Variants in CACNA2D2 observed in about 807,000 individuals in gnomAD.
CACNA2D2 encodes calcium voltage-gated channel auxiliary subunit alpha2delta 2.
Under a neutral mutation model 166.4 loss-of-function variants are expected in CACNA2D2, and 48 were observed. The ratio of observed to expected loss-of-function variants is 0.29; its 90% CI spans 0.23 to 0.37. The LOEUF (loss-of-function observed/expected upper bound fraction) is 0.37. Among genes scored for constraint, CACNA2D2 ranks in the 10% least tolerant of loss-of-function variants. The pLI, the probability that CACNA2D2 is intolerant of heterozygous loss-of-function variation, is 1.00. For synonymous variants in CACNA2D2, 561 were observed against 573.7 expected, an observed-to-expected ratio of 0.98 and a Z score of 0.32; for missense variants, 1,122 against 1,433.0, an observed-to-expected ratio of 0.78 and a Z score of 3.50.
In CACNA2D2 at chr3:50,380,991, C is replaced by T. The variant is rs1219027891; in HGVS notation, c.784+4G>A. ...GTAGACAGGGGACAGGGGCTGGTAC[C>T]TACCCGGGTAGTAGCGAGTGACTCC... On this transcript the variant is annotated splice_donor_region_variant and intron_variant, in intron 7 of 37. Transcript: ENST00000424201. The surrounding 1 kb of genome is among the most constrained non-coding windows in gnomAD (Gnocchi z 4.9). The T allele has an allele frequency of 6.2e-7, 1 of 1,613,684 alleles. No individual in the cohort carries two copies. The highest frequency in any genetic ancestry group is 8.5e-7 in the Non-Finnish European group (1 of 1,179,716).
At chr3:50,394,189 A>C (rs749232549) in intron 3 of CACNA2D2, 21 bp from the exon 4 acceptor site, 4 of 1,612,212 alleles carry the variant, frequency 2.5e-6, no homozygotes, top group Non-Finnish European at 3.4e-6. Flanking sequence ...GAGCACAGGG[A>C]GGTCAGAAGC....
chr3:50,435,470 T>G (rs1708273529), intron 2 of CACNA2D2, among the ~76,000 whole-genome samples: 1 of 151,380 alleles, frequency 6.6e-6, no homozygotes, highest in African/African-American at 2.4e-5. Flanking sequence ...GACTGAGCCG[T>G]GCCACCAGGC....
intron 2 of CACNA2D2, among the ~76,000 whole-genome samples, chr3:50,448,813 C>T (rs1708978023): frequency 6.6e-6 from 1 of 152,134 alleles, no homozygotes; most frequent in Admixed American, 6.5e-5. Context: ...AGCCAGGCCA[C>T]CCACACTGTG....
intron 23 of CACNA2D2, among the ~76,000 whole-genome samples, 153 bp from the exon 24 acceptor site, chr3:50,368,388 C>G (rs587747808): frequency 2.4e-4 from 37 of 152,266 alleles, no homozygotes; most frequent in African/African-American, 8.9e-4. Context: ...CTGCTACATG[C>G]CTGGCAGGCT....
At position 50,450,948 on chromosome 3, in the gene CACNA2D2, G is replaced by T. The variant is rs375476949; in HGVS notation, c.289-16519C>A. 1.2e-3 allele frequency among the ~76,000 whole-genome samples: 181 copies of T among 152,248 alleles called. 2 individuals carry two copies. In the Middle Eastern group the frequency reaches 0.024, roughly 20 times the overall value. On this transcript the variant is annotated intron_variant, in intron 2 of 37. Transcript: ENST00000424201. The stretch of plus-strand genomic sequence containing the variant: ...CTGAGCTGTCTCCCCGCCTACATGG[G>T]GCCCTTGGAAATGAGGACTCATTTG...
chr3:50,475,263 C>A (rs1710258967), intron 2 of CACNA2D2, among the ~76,000 whole-genome samples: 1 of 152,102 alleles, frequency 6.6e-6, no homozygotes, highest in South Asian at 2.1e-4. Flanking sequence ...ATCTCCAAAC[C>A]CTGGACCTGG....
At position 50,476,993 on chromosome 3, in the gene CACNA2D2, G is replaced by A. The variant is rs540258050; in HGVS notation, c.207-794C>T. Among the ~76,000 whole-genome samples, 51 of 148,908 alleles carry A rather than the reference G, an allele frequency of 3.4e-4. 3 individuals carry two copies. In the South Asian group the frequency reaches 0.01, roughly 29 times the overall value. Reference sequence around the variant, plus strand: ...CGCCCAGGCTGGAGTGCAGTGGTGCGATCTCTGCTCACTGCAAGCTCCGCC... The same window carrying A: ...CGCCCAGGCTGGAGTGCAGTGGTGCAATCTCTGCTCACTGCAAGCTCCGCC... On this transcript the variant is annotated intron_variant, in intron 1 of 37. Coordinates refer to ENST00000424201, the MANE Select transcript of CACNA2D2 (RefSeq NM_006030.4).
At chr3:50,431,737 C>T (rs1199104725) in intron 3 of CACNA2D2, among the ~76,000 whole-genome samples, 2 of 152,112 alleles carry the variant, frequency 1.3e-5, no homozygotes, top group African/African-American at 4.8e-5. Flanking sequence ...GTAATCCCAG[C>T]ACTTTGGGAG....
chr3:50,418,062 T>C (rs1707351183), intron 3 of CACNA2D2, among the ~76,000 whole-genome samples: 1 of 152,046 alleles, frequency 6.6e-6, no homozygotes, highest in South Asian at 2.1e-4. Context: ...GTGGTGGCAG[T>C]GCTGTGAGAG....
At chr3:50,484,668 C>A (rs1575764219) in intron 1 of CACNA2D2, among the ~76,000 whole-genome samples, 3 of 152,232 alleles carry the variant, frequency 2.0e-5, no homozygotes. Flanking sequence ...TGCACCCCCC[C>A]CAGCAGCAAC....
intron 4 of CACNA2D2, 81 bp downstream of exon 4, chr3:50,394,028 G>T: frequency 7.8e-7 from 1 of 1,281,660 alleles, no homozygotes; most frequent in Admixed American, 1.7e-5. Flanking sequence ...CATGTGTCTG[G>T]GCAGCTCCCA....
chr3:50,375,116 C>T lies in CACNA2D2; in HGVS notation c.1908-303G>A, dbSNP rs1704903138. 6.6e-6 allele frequency among the ~76,000 whole-genome samples: 1 copy of T among 152,242 alleles called. No individual in the cohort carries two copies. The highest frequency in any genetic ancestry group is 2.1e-4 in the South Asian group (1 of 4,838). On this transcript the variant is annotated intron_variant, in intron 21 of 37. Transcript: ENST00000424201. This position sits in a 1 kb window ranked among gnomAD's most constrained non-coding sequence, Gnocchi z 4.0. ...CCCTGCCCAGCCAACCTCCCTCTGACCCACAAGGGGCAGACGCTGCCGTGA... is the reference window on the plus strand; with the variant it reads ...CCCTGCCCAGCCAACCTCCCTCTGATCCACAAGGGGCAGACGCTGCCGTGA...
chr3:50,402,008 C>T (rs967979786), intron 3 of CACNA2D2, among the ~76,000 whole-genome samples: 8 of 152,198 alleles, frequency 5.3e-5, no homozygotes, highest in Admixed American at 1.3e-4. Context: ...CCACTGCATC[C>T]GGCCAAAGTG....
chr3:50,372,833 T>C (rs966915625), intron 22 of CACNA2D2, among the ~76,000 whole-genome samples: 3 of 151,666 alleles, frequency 2.0e-5, no homozygotes, highest in South Asian at 4.2e-4. Flanking sequence ...TTGTGGGCCC[T>C]GAGAACACGC....
intron 1 of CACNA2D2, among the ~76,000 whole-genome samples, chr3:50,478,789 T>C (rs1045650346): frequency 2.6e-5 from 4 of 152,220 alleles, no homozygotes; most frequent in African/African-American, 4.8e-5. Context: ...CTGCATTTGG[T>C]ACCATCACCT....
intron 3 of CACNA2D2, among the ~76,000 whole-genome samples, chr3:50,410,261 A>G (rs1301478908): frequency 6.6e-6 from 1 of 152,234 alleles, no homozygotes; most frequent in African/African-American, 2.4e-5. Context: ...TCCCCTCAGA[A>G]GGCTGGGCAG....
chr3:50,378,490 G>C (rs1300165602), intron 13 of CACNA2D2, among the ~76,000 whole-genome samples, 157 bp from the exon 14 acceptor site: 1 of 152,224 alleles, frequency 6.6e-6, no homozygotes, highest in Non-Finnish European at 1.5e-5. Flanking sequence ...CCTCTGCCCT[G>C]CCAAGGGCGG....
In CACNA2D2 at chr3:50,375,719, C is replaced by T. The variant is rs773164679; in HGVS notation, c.1846-14G>A. On this transcript the variant is annotated splice_polypyrimidine_tract_variant and intron_variant, in intron 20 of 37. Transcript: ENST00000424201. This position sits in a 1 kb window ranked among gnomAD's most constrained non-coding sequence, Gnocchi z 4.0. Reference sequence around the variant, plus strand: ...ATCTATGTACCTCTGGGAGAGGAGGCTGGGTCAGGTACTTGGGCTAGCAGG... The same window carrying T: ...ATCTATGTACCTCTGGGAGAGGAGGTTGGGTCAGGTACTTGGGCTAGCAGG... The T allele has an allele frequency of 2.5e-6, 4 of 1,613,202 alleles. No homozygotes were observed. In the South Asian group the frequency reaches 4.4e-5, roughly 18 times the overall value.
intron 2 of CACNA2D2, among the ~76,000 whole-genome samples, chr3:50,455,780 C>T (rs546538235): frequency 2.0e-5 from 3 of 152,226 alleles, no homozygotes; most frequent in Admixed American, 1.3e-4. Flanking sequence ...AAGATCTCAG[C>T]GATGGAAAGG....
Sources: gnomAD v4.1 joint callset for allele counts (sites outside exome capture counted in the v4.1 genomes callset) on GRCh38, gnomAD v4.1.1 for gene constraint, Gnocchi (gnomAD v3.1) non-coding constraint, MANE v1.5 for transcripts, NCBI Gene and HGNC (gene_info 2026-07-23, HGNC 2026-07-21) for gene names.